YAF2: variants seen among roughly 807,000 people sequenced by gnomAD.
YAF2 encodes the protein YY1-associated factor 2.
YAF2 carries 7 observed loss-of-function variants against 20.1 expected under a neutral mutation model. The ratio of observed to expected loss-of-function variants is 0.35; its 90% CI spans 0.20 to 0.65. The LOEUF (loss-of-function observed/expected upper bound fraction) is 0.65, where lower values mean the gene tolerates loss of function less well. Among genes scored for constraint, YAF2 ranks in the 30% least tolerant of loss-of-function variants. The pLI is 0.69. For synonymous variants in YAF2, 74 were observed against 76.0 expected (o/e 0.97, Z 0.14); for missense variants, 151 against 219.2 (o/e 0.69, Z 1.96).
At chr12:42,163,867 A>G (rs2065852785) in intron 2 of YAF2, among the ~76,000 whole-genome samples, 1 of 152,214 alleles carries the variant, frequency 6.6e-6, no homozygotes, top group African/African-American at 2.4e-5. Flanking sequence ...TATTAAAAAT[A>G]AAGCCCTTCT....
chr12:42,197,226 C>T (rs868459477), intron 2 of YAF2, among the ~76,000 whole-genome samples: 1 of 152,224 alleles, frequency 6.6e-6, no homozygotes, highest in Admixed American at 6.5e-5. Context: ...ACTGCTGCCA[C>T]GTGCTGCCCA....
intron 2 of YAF2, among the ~76,000 whole-genome samples, chr12:42,198,786 C>T (rs1454832062): frequency 6.6e-6 from 1 of 152,088 alleles, no homozygotes; most frequent in African/African-American, 2.4e-5. Context: ...GAAGAAAAGA[C>T]ATCTGAGGTG....
chr12:42,232,890 A>G, intron 2 of YAF2: 2 of 985,334 alleles, frequency 2.0e-6, no homozygotes, highest in South Asian at 9.4e-5. Context: ...ATATATTTTT[A>G]ATGAAGAAGT....
intron 2 of YAF2, among the ~76,000 whole-genome samples, chr12:42,169,246 G>C (rs1039516814): frequency 3.3e-5 from 5 of 152,016 alleles, no homozygotes; most frequent in Non-Finnish European, 4.4e-5. Flanking sequence ...ACATTCTCCT[G>C]CACCATAGCT....
At chr12:42,224,382 C>CTT (rs202195796) in intron 2 of YAF2, among the ~76,000 whole-genome samples, 2 of 151,898 alleles carry the variant, frequency 1.3e-5, no homozygotes, top group African/African-American at 4.8e-5. Flanking sequence ...CAATATATTT[C>CTT]TTTTTTTTAT....
intron 2 of YAF2, among the ~76,000 whole-genome samples, chr12:42,164,930 G>A (rs2065876917): frequency 6.6e-6 from 1 of 151,826 alleles, no homozygotes; most frequent in Admixed American, 6.6e-5. Flanking sequence ...AAATTGGCCA[G>A]TAAAGGTACG....
Position 42,234,407 on chromosome 12 carries a change from A to G in YAF2, c.152+3192T>C, listed in dbSNP as rs955729465. The G allele has an allele frequency of 2.0e-5, 20 of 984,990 alleles. No homozygotes were observed. In the African/African-American group the frequency reaches 2.3e-4, roughly 11 times the overall value. The allele number at this position is 984,990 out of a possible 1,614,324, so 61.0% of individuals were successfully genotyped here. On this transcript the variant is annotated intron_variant, in intron 2 of 3. Transcript: ENST00000534854. ...GGGGCTGAAAAATGACCTGTTGGGT[A>G]TAACGTTCACCATTTGGGTAATGGG...
At chr12:42,166,933 C>G (rs1382414550) in intron 2 of YAF2, among the ~76,000 whole-genome samples, 1 of 150,548 alleles carries the variant, frequency 6.6e-6, no homozygotes, top group Non-Finnish European at 1.5e-5. Flanking sequence ...CAAAATTGCA[C>G]TATCCTTCTA....
At chr12:42,227,150 G>A (rs2067740427) in intron 2 of YAF2, among the ~76,000 whole-genome samples, 1 of 145,934 alleles carries the variant, frequency 6.9e-6, no homozygotes. Flanking sequence ...GCGCCGCCCG[G>A]GAGGCAGCGG....
chr12:42,205,926 T>A (rs1403989759), intron 2 of YAF2: 1 of 395,774 alleles, frequency 2.5e-6, no homozygotes, highest in Non-Finnish European at 5.0e-6. Flanking sequence ...ATTTTTTTAA[T>A]TCTTGAAAAT....
chr12:42,225,380 T>C (rs2067658914), intron 2 of YAF2, among the ~76,000 whole-genome samples: 1 of 152,262 alleles, frequency 6.6e-6, no homozygotes, highest in Admixed American at 6.5e-5. Flanking sequence ...ATCTCATTTG[T>C]CAATTTTGGC....
At chr12:42,215,060 G>A (rs905989112) in intron 2 of YAF2, among the ~76,000 whole-genome samples, 1 of 151,982 alleles carries the variant, frequency 6.6e-6, no homozygotes, top group African/African-American at 2.4e-5. Flanking sequence ...AATGTGTCTT[G>A]TTCTCCTCTG....
intron 2 of YAF2, among the ~76,000 whole-genome samples, chr12:42,169,091 T>C (rs1294021103): frequency 6.6e-6 from 1 of 152,222 alleles, no homozygotes; most frequent in Non-Finnish European, 1.5e-5. Context: ...ATTCTCTCAG[T>C]TGTGTCCTTG....
chr12:42,233,300 T>C, intron 2 of YAF2: 1 of 985,420 alleles, frequency 1.0e-6, no homozygotes, highest in African/African-American at 1.7e-5. Context: ...AAGCCTGGTA[T>C]GAACCATTTA....
At chr12:42,211,066 A>T (rs2067193655) in intron 2 of YAF2, among the ~76,000 whole-genome samples, 1 of 152,234 alleles carries the variant, frequency 6.6e-6, no homozygotes, top group African/African-American at 2.4e-5. Context: ...AGAAGCCACC[A>T]TAGTGGACTA....
chr12:42,197,301 C>A (rs2066778798), intron 2 of YAF2, among the ~76,000 whole-genome samples: 3 of 152,176 alleles, frequency 2.0e-5, no homozygotes, highest in Admixed American at 1.3e-4. Context: ...AAAATTTGTC[C>A]AACACCCCAG....
At chr12:42,181,144 G>A (rs2066332193) in intron 2 of YAF2, among the ~76,000 whole-genome samples, 1 of 152,156 alleles carries the variant, frequency 6.6e-6, no homozygotes, top group South Asian at 2.1e-4. Context: ...CATTCAGAGT[G>A]GGACAAGCTG....
chr12:42,163,253 A>G (rs557956194), intron 2 of YAF2, among the ~76,000 whole-genome samples: 4 of 152,234 alleles, frequency 2.6e-5, no homozygotes, highest in Non-Finnish European at 1.5e-5. Flanking sequence ...AGAGTGGCAG[A>G]GTGAAAAAAA....
intron 2 of YAF2, among the ~76,000 whole-genome samples, chr12:42,188,486 A>C (rs1233181579): frequency 1.3e-5 from 2 of 151,326 alleles, no homozygotes. Flanking sequence ...CTCGGGCTCA[A>C]GCAATTCTCA....
Sources: gnomAD v4.1 joint callset for allele counts (sites outside exome capture counted in the v4.1 genomes callset) on GRCh38, gnomAD v4.1.1 for gene constraint, MANE v1.5 for transcripts, NCBI Gene and HGNC (gene_info 2026-07-23, HGNC 2026-07-21) for gene names.